Variants in BCKDHB observed in about 807,000 individuals in gnomAD.
BCKDHB encodes 2-oxoisovalerate dehydrogenase subunit beta, mitochondrial.
In BCKDHB, 41 loss-of-function variants were observed where a neutral mutation model predicts 48.5. The ratio of observed to expected loss-of-function variants is 0.85; its 90% confidence interval spans 0.66 to 1.10. The LOEUF is 1.10. BCKDHB is among the 50% of genes least tolerant of loss of function. BCKDHB has a pLI of 0.00. For missense variants in BCKDHB, 496 were observed against 494.2 expected (o/e 1.00, Z -0.03); for synonymous variants, 201 against 174.8 (o/e 1.15, Z -1.18).
In BCKDHB at chr6:80,312,857, T is replaced by C. The variant is rs147857986; in HGVS notation, c.1039-30807T>C. 3.5e-3 allele frequency among the ~76,000 whole-genome samples: 532 copies of C among 152,316 alleles called. 3 individuals are homozygous for C. Among genetic ancestry groups the C allele is most frequent in the African/African-American group, 0.012 (505 of 41,572 alleles). On this transcript the variant is annotated intron_variant, in intron 9 of 9. Coordinates refer to ENST00000320393, the MANE Select transcript of BCKDHB (RefSeq NM_183050.4). ...CAGCATTTTATTGAGGATGTTTGCATTGATGTTCATTAAGGATATTGGCCT... is the reference window on the plus strand; with the variant it reads ...CAGCATTTTATTGAGGATGTTTGCACTGATGTTCATTAAGGATATTGGCCT...
At chr6:80,234,362 C>T (rs1330142668) in intron 8 of BCKDHB, among the ~76,000 whole-genome samples, 1 of 152,036 alleles carries the variant, frequency 6.6e-6, no homozygotes, top group African/African-American at 2.4e-5. Context: ...TTAACTTTTT[C>T]TTGGCTATTA....
chr6:80,223,598 A>G (rs1775555152), intron 8 of BCKDHB, among the ~76,000 whole-genome samples: 1 of 152,110 alleles, frequency 6.6e-6, no homozygotes, highest in African/African-American at 2.4e-5. Flanking sequence ...TAATTCTGAT[A>G]CTATTTTGCA....
intron 3 of BCKDHB, among the ~76,000 whole-genome samples, chr6:80,137,295 T>C (rs1770936861): frequency 6.6e-6 from 1 of 152,222 alleles, no homozygotes; most frequent in South Asian, 2.1e-4. Flanking sequence ...CTTTCTCTAA[T>C]TTATAACACT....
At chr6:80,181,089 T>C (rs948189651) in intron 6 of BCKDHB, among the ~76,000 whole-genome samples, 2 of 152,194 alleles carry the variant, frequency 1.3e-5, no homozygotes, top group Non-Finnish European at 2.9e-5. Context: ...CTCCAGACTT[T>C]AAGAAATGCA....
chr6:80,245,217 G>T (rs1776561493), intron 8 of BCKDHB, among the ~76,000 whole-genome samples: 1 of 151,958 alleles, frequency 6.6e-6, no homozygotes. Flanking sequence ...TGTCTTAGTG[G>T]GAGAGACAGA....
intron 8 of BCKDHB, among the ~76,000 whole-genome samples, chr6:80,235,134 T>C (rs1364243246): frequency 1.3e-5 from 2 of 152,098 alleles, no homozygotes; most frequent in Non-Finnish European, 2.9e-5. Flanking sequence ...ATTTATTGTA[T>C]ATTTCAAAAT....
chr6:80,352,256 G>T, the BCKDHB span, among the ~76,000 whole-genome samples: 4 of 152,034 alleles, frequency 2.6e-5, no homozygotes, highest in Admixed American at 6.6e-5. Flanking sequence ...GGGACTACAG[G>T]TGTGAGCCAC....
At chr6:80,418,143 C>A in the BCKDHB span, among the ~76,000 whole-genome samples, 2 of 152,252 alleles carry the variant, frequency 1.3e-5, no homozygotes, top group Admixed American at 6.5e-5. Flanking sequence ...TTTGTGATTG[C>A]ATTATGAAAT....
the BCKDHB span, among the ~76,000 whole-genome samples, chr6:80,380,888 T>C: frequency 2.0e-5 from 3 of 152,040 alleles, no homozygotes; most frequent in Non-Finnish European, 4.4e-5. Context: ...TAAATATTAA[T>C]CTTGTATCCT....
At chr6:80,432,576 G>T in the BCKDHB span, among the ~76,000 whole-genome samples, 2 of 151,992 alleles carry the variant, frequency 1.3e-5, no homozygotes, top group African/African-American at 2.4e-5. Flanking sequence ...TTAGCAATTG[G>T]TCTAACCTTT....
chr6:80,178,421 C>T (rs1479775538), intron 6 of BCKDHB, among the ~76,000 whole-genome samples: 2 of 152,140 alleles, frequency 1.3e-5, no homozygotes, highest in African/African-American at 4.8e-5. Context: ...AAATATCCTT[C>T]GTTAATAGCA....
chr6:80,237,048 C>A (rs1776174448), intron 8 of BCKDHB, among the ~76,000 whole-genome samples: 1 of 151,960 alleles, frequency 6.6e-6, no homozygotes, highest in Non-Finnish European at 1.5e-5. Context: ...GTAAACATTT[C>A]ATTCTGAGAG....
chr6:80,175,333 G>C (rs1773101430), intron 6 of BCKDHB, among the ~76,000 whole-genome samples: 2 of 152,130 alleles, frequency 1.3e-5, no homozygotes, highest in South Asian at 4.1e-4. Context: ...CACAGAAGAG[G>C]CTGAGAAAGC....
intron 1 of BCKDHB, among the ~76,000 whole-genome samples, chr6:80,119,035 G>T (rs1769860792): frequency 6.6e-6 from 1 of 152,054 alleles, no homozygotes; most frequent in South Asian, 2.1e-4. Flanking sequence ...CACGCGTGTA[G>T]TCCTACCACT....
chr6:80,364,643 A>G, the BCKDHB span, among the ~76,000 whole-genome samples: 1 of 152,320 alleles, frequency 6.6e-6, no homozygotes, highest in East Asian at 1.9e-4. Flanking sequence ...CTACTCATTT[A>G]TCAGGAGCCT....
chr6:80,199,806 A>G (rs1774302629), intron 6 of BCKDHB, among the ~76,000 whole-genome samples: 1 of 141,520 alleles, frequency 7.1e-6, no homozygotes, highest in Non-Finnish European at 1.5e-5. Context: ...AAGGCCGGGC[A>G]CATGCCTGTA....
chr6:80,227,203 C>G (rs1202084856), intron 8 of BCKDHB, among the ~76,000 whole-genome samples: 1 of 152,150 alleles, frequency 6.6e-6, no homozygotes, highest in Non-Finnish European at 1.5e-5. Flanking sequence ...TAAGTCGTGT[C>G]TAATTTGTAG....
chr6:80,399,561 G>C, the BCKDHB span, among the ~76,000 whole-genome samples: 1 of 151,978 alleles, frequency 6.6e-6, no homozygotes, highest in African/African-American at 2.4e-5. Context: ...ATCTCTACAA[G>C]GAGAACTACA....
the BCKDHB span, among the ~76,000 whole-genome samples, chr6:80,389,230 C>T: frequency 6.6e-6 from 1 of 150,800 alleles, no homozygotes; most frequent in South Asian, 2.1e-4. Context: ...CCTAATGGGC[C>T]CACGAACAAA....
Sources: gnomAD v4.1 joint callset for allele counts (sites outside exome capture counted in the v4.1 genomes callset) on GRCh38, gnomAD v4.1.1 for gene constraint, MANE v1.5 for transcripts, NCBI Gene and HGNC (gene_info 2026-07-23, HGNC 2026-07-21) for gene names.